Variants in CDH13 observed in about 807,000 individuals in gnomAD.
CDH13 encodes the protein cadherin-13.
Under a neutral mutation model 63.8 loss-of-function variants are expected in CDH13, and 24 were observed. The observed-to-expected ratio is 0.38, with a 90% CI of 0.27 to 0.53. The LOEUF (loss-of-function observed/expected upper bound fraction) is 0.53. Among genes scored for constraint, CDH13 ranks in the 20% least tolerant of loss-of-function variants. The probability of loss-of-function intolerance (pLI) is 0.85; values close to 1 mark genes in which losing one functional copy is unlikely to be tolerated. For synonymous variants in CDH13, 503 were observed against 355.3 expected, an observed-to-expected ratio of 1.42 and a Z score of -4.67; for missense variants, 1,049 against 903.1, an observed-to-expected ratio of 1.16 and a Z score of -2.07.
intron 2 of CDH13, among the ~76,000 whole-genome samples, chr16:83,027,110 C>G (rs527761298): frequency 3.5e-5 from 5 of 143,706 alleles, no homozygotes; most frequent in South Asian, 2.4e-4. Flanking sequence ...AGACCCCCCC[C>G]CCCCACCGCC....
At chr16:82,933,677 C>A (rs1290348496) in intron 2 of CDH13, among the ~76,000 whole-genome samples, 1 of 152,000 alleles carries the variant, frequency 6.6e-6, no homozygotes, top group Admixed American at 6.5e-5. Context: ...AAATCAAAAG[C>A]AAGTTAGGTA....
At chr16:83,749,434 G>T (rs540537410) in intron 11 of CDH13, among the ~76,000 whole-genome samples, 1 of 152,050 alleles carries the variant, frequency 6.6e-6, no homozygotes, top group Non-Finnish European at 1.5e-5. Context: ...CCAAGGCAGA[G>T]GAATCAAAAC....
At chr16:83,680,488 G>A in intron 10 of CDH13, among the ~76,000 whole-genome samples, 1 of 152,178 alleles carries the variant, frequency 6.6e-6, no homozygotes, top group Non-Finnish European at 1.5e-5. Flanking sequence ...CCTGGGGAGG[G>A]AGGGGTGCCT....
chr16:83,380,400 A>C (rs2091540714), intron 6 of CDH13, among the ~76,000 whole-genome samples: 2 of 152,148 alleles, frequency 1.3e-5, no homozygotes, highest in South Asian at 2.1e-4. Context: ...CAGCCCATTC[A>C]TTCTATTTTT....
intron 6 of CDH13, among the ~76,000 whole-genome samples, chr16:83,404,977 G>A (rs920099725): frequency 2.6e-5 from 4 of 152,110 alleles, no homozygotes; most frequent in African/African-American, 4.8e-5. Context: ...GAACAAAGTA[G>A]CCCATTATCT....
At position 83,670,890 on chromosome 16, in the gene CDH13, C is replaced by T; in HGVS notation, c.1202C>T (p.Thr401Ile). 2 of 1,613,712 alleles carry T rather than the reference C, an allele frequency of 1.2e-6. No individual in the cohort carries two copies. Among genetic ancestry groups the T allele is most frequent in the Non-Finnish European group, 1.7e-6 (2 of 1,179,694 alleles). ...PTTGAWRAAY[T>I]IINGNPGQSF... Reference sequence around the variant, plus strand: ...ACAGGTGCATGGAGGGCTGCCTACACCATCATCAACGGAAACCCCGGGCAG... The same window carrying T: ...ACAGGTGCATGGAGGGCTGCCTACATCATCATCAACGGAAACCCCGGGCAG... Residue 401 changes from threonine (T) to isoleucine (I), a missense_variant, in exon 9 of 14, where the codon ACC (threonine) becomes ATC (isoleucine). Physicochemically the swap from Thr to Ile is moderately conservative, Grantham distance 89 (BLOSUM62 -1). Coordinates refer to ENST00000567109, the MANE Select transcript of CDH13 (RefSeq NM_001257.5).
chr16:83,534,358 C>G (rs552049982), intron 7 of CDH13, among the ~76,000 whole-genome samples: 1 of 152,244 alleles, frequency 6.6e-6, no homozygotes, highest in Admixed American at 6.5e-5. Flanking sequence ...TTCATTTTTC[C>G]TTTTCCTGTT....
intron 8 of CDH13, among the ~76,000 whole-genome samples, chr16:83,618,897 T>A (rs563427701): frequency 3.1e-4 from 47 of 152,316 alleles, no homozygotes; most frequent in Non-Finnish European, 5.9e-4. Flanking sequence ...TCTTGTGAGA[T>A]TAAACAAAAT....
At chr16:83,167,166 T>A (rs1474982013) in intron 4 of CDH13, among the ~76,000 whole-genome samples, 2 of 151,060 alleles carry the variant, frequency 1.3e-5, no homozygotes, top group Non-Finnish European at 2.9e-5. Flanking sequence ...AGACTTTGAG[T>A]CTTAGATTCT....
intron 4 of CDH13, among the ~76,000 whole-genome samples, chr16:83,201,199 T>C (rs1433226392): frequency 1.3e-5 from 2 of 152,182 alleles, no homozygotes; most frequent in Non-Finnish European, 2.9e-5. Context: ...AGCTTCTTTA[T>C]TTATTAAAAA....
intron 7 of CDH13, among the ~76,000 whole-genome samples, chr16:83,549,422 C>T (rs942776023): frequency 6.6e-6 from 1 of 152,186 alleles, no homozygotes; most frequent in East Asian, 1.9e-4. Context: ...GCAAGCTGAG[C>T]AGCCTGTATC....
chr16:83,078,296 A>G (rs2032996482), intron 3 of CDH13, among the ~76,000 whole-genome samples: 1 of 152,160 alleles, frequency 6.6e-6, no homozygotes, highest in Admixed American at 6.5e-5. Context: ...ACCTTTTGGC[A>G]CCAGGGACTG....
At chr16:83,588,596 G>A (rs552822684) in intron 7 of CDH13, among the ~76,000 whole-genome samples, 1 of 152,164 alleles carries the variant, frequency 6.6e-6, no homozygotes, top group African/African-American at 2.4e-5. Context: ...CCTCACCAAG[G>A]GCTGTAATAA....
At chr16:83,559,437 G>A (rs1012249457) in intron 7 of CDH13, among the ~76,000 whole-genome samples, 8 of 152,068 alleles carry the variant, frequency 5.3e-5, no homozygotes, top group Non-Finnish European at 1.2e-4. Context: ...TGGGCATGGT[G>A]GCGTGTACCT....
At chr16:83,355,178 C>T (rs2091028892) in intron 6 of CDH13, among the ~76,000 whole-genome samples, 1 of 152,136 alleles carries the variant, frequency 6.6e-6, no homozygotes, top group Admixed American at 6.5e-5. Context: ...ATGTTCTAGG[C>T]ATGAGAAAAC....
At chr16:83,366,626 G>C (rs569371158) in intron 6 of CDH13, among the ~76,000 whole-genome samples, 1 of 152,182 alleles carries the variant, frequency 6.6e-6, no homozygotes, top group Admixed American at 6.5e-5. Context: ...GCTTGTACAA[G>C]CTTTTCGATA....
At chr16:83,139,774 G>A (rs921581709) in intron 4 of CDH13, among the ~76,000 whole-genome samples, 7 of 152,074 alleles carry the variant, frequency 4.6e-5, no homozygotes, top group African/African-American at 1.4e-4. Flanking sequence ...GAGGCCGACC[G>A]GGTGGATCAC....
chr16:82,707,147 C>T (rs938372332), intron 1 of CDH13, among the ~76,000 whole-genome samples: 6 of 152,174 alleles, frequency 3.9e-5, no homozygotes, highest in Admixed American at 1.3e-4. Flanking sequence ...GTGATAATTT[C>T]GTCAAGTAGT....
intron 8 of CDH13, among the ~76,000 whole-genome samples, chr16:83,651,652 G>A (rs1332945261): frequency 7.8e-6 from 1 of 128,732 alleles, no homozygotes; most frequent in East Asian, 2.4e-4. Flanking sequence ...CTGGAGTGCA[G>A]TAGCACAATC....
Sources: allele counts gnomAD v4.1 joint callset (sites outside exome capture counted in the v4.1 genomes callset), GRCh38; gene constraint gnomAD v4.1.1; transcripts MANE v1.5; gene names NCBI Gene and HGNC (gene_info 2026-07-23, HGNC 2026-07-21).